The following GPR84 variants were observed in gnomAD, a reference collection of about 807,000 sequenced individuals.
GPR84 encodes G-protein coupled receptor 84.
GPR84 carries 8 observed loss-of-function variants against 14.9 expected under a neutral mutation model. The observed-to-expected ratio is 0.54, with a 90% CI of 0.31 to 0.97. GPR84 has a LOEUF of 0.97. GPR84 is among the 50% of genes least tolerant of loss of function. The pLI, the probability that GPR84 is intolerant of heterozygous loss-of-function variation, is 0.04. For synonymous variants in GPR84, 164 were observed against 198.1 expected, an observed-to-expected ratio of 0.83 and a Z score of 1.45; for missense variants, 424 against 498.7, an observed-to-expected ratio of 0.85 and a Z score of 1.43.
At chr12:54,360,867 A>G (rs1044921738), downstream of GPR84, among the ~76,000 whole-genome samples, 1 of 152,134 alleles carries the variant, frequency 6.6e-6, no homozygotes, top group Non-Finnish European at 1.5e-5. Flanking sequence ...GGAATATCTC[A>G]TGAATAATAA....
At chr12:54,350,989 G>T in the GPR84 span, 2 of 182,122 alleles carry the variant, frequency 1.1e-5, no homozygotes, top group Non-Finnish European at 2.4e-5. Flanking sequence ...GCGGGGATGG[G>T]TAGGGATTTA....
rs1954284748 is a variant in GPR84, at chr12:54,362,816, G to A, written c.1036C>T (p.Gln346Ter). The change falls in exon 2 of 2, where the codon CAG becomes TAG. Residue 346 changes from glutamine (Q) to a stop codon, truncating the protein, a stop_gained. Transcript: ENST00000267015. LOFTEE classifies it high-confidence loss of function. The surrounding 1 kb of genome is among the most constrained non-coding windows in gnomAD (Gnocchi z 4.0). ...AGCATGTGGACCACCCGGGGAGCCT[G>A]GACTCTGGCATCCAGAATGTTGAGC... Reference protein sequence around the residue: ...LLLNILDARVQAPRVVHMLAA... With the variant: ...LLLNILDARV 6.2e-7 allele frequency: 1 copy of A among 1,614,200 alleles called. No homozygotes were observed. Among genetic ancestry groups the A allele is most frequent in the Non-Finnish European group, 8.5e-7 (1 of 1,180,036 alleles).
downstream of GPR84, among the ~76,000 whole-genome samples, chr12:54,362,217 C>G (rs992586089): frequency 3.3e-5 from 5 of 152,166 alleles, no homozygotes; most frequent in African/African-American, 7.2e-5. This position sits in a 1 kb window ranked among gnomAD's most constrained non-coding sequence, Gnocchi z 4.0. Flanking sequence ...AGGCTATGTC[C>G]CAGGCCAGCT....
chr12:54,354,017 C>G, the GPR84 span: 1 of 152,274 alleles, frequency 6.6e-6, no homozygotes, highest in Non-Finnish European at 1.5e-5. Context: ...CCCCTCAGCT[C>G]CTCCCCTTCA....
chr12:54,356,468 G>C, the GPR84 span, among the ~76,000 whole-genome samples: 1 of 152,158 alleles, frequency 6.6e-6, no homozygotes, highest in Non-Finnish European at 1.5e-5. Context: ...AAACCAGACT[G>C]TATATCTTTC....
Position 54,363,701 on chromosome 12 carries a change from G to A in GPR84, c.151C>T (p.Leu51Phe), listed in dbSNP as rs1398508885. ...TLLALAIQPK[L>F]RTRFNLLIAN... ...ATGAGCAGGTTGAATCGGGTACGGA[G>A]CTTGGGCTGGATGGCCAAGGCCAGT... The change falls in exon 2 of 2, where the codon CTC becomes TTC. Residue 51 changes from leucine (L) to phenylalanine (F), a missense_variant. Leu to Phe is a conservative substitution (Grantham distance 22, BLOSUM62 0). Coordinates refer to ENST00000267015, the MANE Select transcript of GPR84 (RefSeq NM_020370.3). 6 of 1,613,986 alleles carry A rather than the reference G, an allele frequency of 3.7e-6. No homozygotes were observed. The highest frequency in any genetic ancestry group is 5.1e-6 in the Non-Finnish European group (6 of 1,180,008).
chr12:54,360,846 T>C (rs7969411), downstream of GPR84, among the ~76,000 whole-genome samples: 6,969 of 152,210 alleles, frequency 0.046, 541 homozygotes, highest in African/African-American at 0.16. Context: ...CAGCCCCACC[T>C]CAAGTAGACA....
chr12:54,363,390 G>T lies in GPR84; in HGVS notation c.462C>A (p.Pro154=). 1 of 1,613,990 alleles carries T rather than the reference G, an allele frequency of 6.2e-7. No homozygotes were observed. Among genetic ancestry groups the T allele is most frequent in the Admixed American group, 1.7e-5 (1 of 60,000 alleles). The change falls in exon 2 of 2, where the codon CCC becomes CCA. Residue 154 remains proline (P), a synonymous_variant. Transcript: ENST00000267015. ...GTACCAGGATATAAATAGGCCAGAGGGGAGCAAAGCTGGCCACGCCCACAA... is the reference window on the plus strand; with the variant it reads ...GTACCAGGATATAAATAGGCCAGAGTGGAGCAAAGCTGGCCACGCCCACAA... The part of the protein sequence containing the change: ...TWVVGVASFA[P]LWPIYILVPV...
downstream of GPR84, among the ~76,000 whole-genome samples, chr12:54,360,291 A>G (rs1033190472): frequency 6.6e-6 from 1 of 152,172 alleles, no homozygotes; most frequent in Non-Finnish European, 1.5e-5. Context: ...TAGATACTTC[A>G]TGGTAATTTT....
the GPR84 span, among the ~76,000 whole-genome samples, chr12:54,352,443 T>TG: frequency 6.6e-6 from 1 of 152,080 alleles, no homozygotes; most frequent in South Asian, 2.1e-4. Flanking sequence ...TGGATTTAGC[T>TG]GGGGGTTTTA....
In GPR84 at chr12:54,363,831, G is replaced by T; in HGVS notation, c.21C>A (p.Ala7=). The T allele has an allele frequency of 6.3e-7, 1 of 1,598,728 alleles. No individual in the cohort carries two copies. Among genetic ancestry groups the T allele is most frequent in the South Asian group, 1.1e-5 (1 of 89,368 alleles). The change falls in exon 2 of 2, where the codon GCC becomes GCA. Residue 7 remains alanine (A), a synonymous_variant. Coordinates refer to ENST00000267015, the MANE Select transcript of GPR84 (RefSeq NM_020370.3). ...CAGACTCATGGTAGCAGGAGAAGTT[G>T]GCGTCAGAGCTGTTCCACATGATAG... The part of the protein sequence containing the change: MWNSSD[A]NFSCYHESVL...
chr12:54,357,851 GCA>G (rs1954225599), downstream of GPR84, among the ~76,000 whole-genome samples: 1 of 152,208 alleles, frequency 6.6e-6, no homozygotes, highest in Admixed American at 6.5e-5. Context: ...TGTTGTAACT[GCA>G]CACTAGGGGC....
the GPR84 span, among the ~76,000 whole-genome samples, chr12:54,355,432 C>G: frequency 6.6e-6 from 1 of 152,002 alleles, no homozygotes; most frequent in African/African-American, 2.4e-5. Context: ...TTTCAGCAGT[C>G]TCTTTCCTTG....
downstream of GPR84, among the ~76,000 whole-genome samples, chr12:54,359,361 G>C (rs1236182756): frequency 6.8e-6 from 1 of 146,320 alleles, no homozygotes; most frequent in Admixed American, 6.9e-5. Flanking sequence ...GCCTGTAAGA[G>C]ACAGCGAAAG....
At chr12:54,361,371 TTTA>T (rs1592218287), downstream of GPR84, among the ~76,000 whole-genome samples, 1 of 151,474 alleles carries the variant, frequency 6.6e-6, no homozygotes, top group Admixed American at 6.6e-5. This position sits in a 1 kb window ranked among gnomAD's most constrained non-coding sequence, Gnocchi z 4.3. Flanking sequence ...ATTTTATTTA[TTTA>T]TTATTATTAT....
the GPR84 span, among the ~76,000 whole-genome samples, chr12:54,355,514 C>T: frequency 6.6e-6 from 1 of 152,144 alleles, no homozygotes; most frequent in African/African-American, 2.4e-5. Flanking sequence ...GGTATTTCCA[C>T]AACTCGGCAA....
At chr12:54,351,464 A>G in the GPR84 span, 2 of 152,164 alleles carry the variant, frequency 1.3e-5, no homozygotes, top group African/African-American at 2.4e-5. Context: ...AGTCGCTGCA[A>G]CCTACCCTCT....
the GPR84 span, among the ~76,000 whole-genome samples, chr12:54,356,562 C>T: frequency 3.9e-5 from 6 of 152,330 alleles, no homozygotes; most frequent in Non-Finnish European, 7.4e-5. Flanking sequence ...CAGAAGCCTC[C>T]ACAAACCCAG....
chr12:54,359,196 C>A (rs114239968), downstream of GPR84, among the ~76,000 whole-genome samples: 589 of 152,200 alleles, frequency 3.9e-3, 5 homozygotes, highest in African/African-American at 0.013. Flanking sequence ...CCCCCCTCCC[C>A]GCGGCTGCTG....
Sources: gnomAD v4.1 joint callset for allele counts (sites outside exome capture counted in the v4.1 genomes callset) on GRCh38, gnomAD v4.1.1 for gene constraint, Gnocchi (gnomAD v3.1) non-coding constraint, MANE v1.5 for transcripts, NCBI Gene and HGNC (gene_info 2026-07-23, HGNC 2026-07-21) for gene names.